The following WNT3A variants were observed in gnomAD, a reference collection of about 807,000 sequenced individuals.
WNT3A encodes the protein protein Wnt-3a.
WNT3A carries 17 observed loss-of-function variants against 37.0 expected under a neutral mutation model. The ratio of observed to expected loss-of-function variants is 0.46; its 90% CI spans 0.31 to 0.69. The LOEUF (loss-of-function observed/expected upper bound fraction) is 0.69, where lower values mean the gene tolerates loss of function less well. Ranked by LOEUF, WNT3A falls within the 30% of genes least tolerant of loss-of-function variation. The pLI is 0.05. For synonymous variants in WNT3A, 187 were observed against 211.0 expected (o/e 0.89, Z 0.99); for missense variants, 411 against 510.2 (o/e 0.81, Z 1.87).
At chr1:228,024,045 G>A (rs1157061145) in intron 2 of WNT3A, among the ~76,000 whole-genome samples, 4 of 152,196 alleles carry the variant, frequency 2.6e-5, no homozygotes, top group East Asian at 1.9e-4. Flanking sequence ...TGGTTTATTC[G>A]TTCTTCAGGT....
Position 228,060,308 on chromosome 1 carries a change from G to A in WNT3A, c.*843G>A, listed in dbSNP as rs758237439. On this transcript the variant is annotated 3_prime_UTR_variant, in exon 4 of 4. Transcript: ENST00000284523. ...TCGAGCTGGGAAGGTTCCATGAAGC[G>A]AGTCGGGTCCCCAACCCGTGCCCCT... 3 of 1,350,746 alleles carry A rather than the reference G, an allele frequency of 2.2e-6. No individual in the cohort carries two copies. Among genetic ancestry groups the A allele is most frequent in the Non-Finnish European group, 2.9e-6 (3 of 1,020,748 alleles). 83.7% of individuals were successfully genotyped at this position (1,350,746 alleles called of 1,614,324 possible).
In WNT3A at chr1:228,050,741, C is replaced by T. The variant is rs752764092; in HGVS notation, c.399C>T (p.Ala133=). The change falls in exon 3 of 4, where the codon GCC becomes GCT. Residue 133 remains alanine, a synonymous_variant. Transcript: ENST00000284523. The surrounding 1 kb of genome is among the most constrained non-coding windows in gnomAD (Gnocchi z 5.0). The part of the protein sequence containing the change: ...AVTRSCAEGT[A]AICGCSSRHQ... ...CACGCTCATGTGCAGAAGGCACGGC[C>T]GCCATCTGTGGCTGCAGCAGCCGCC... 24 of 1,613,994 alleles carry T rather than the reference C, an allele frequency of 1.5e-5. No individual in the cohort carries two copies. The highest frequency in any genetic ancestry group is 1.8e-5 in the Non-Finnish European group (21 of 1,180,030).
intron 2 of WNT3A, among the ~76,000 whole-genome samples, chr1:228,044,757 C>T (rs188281263): frequency 2.6e-5 from 4 of 152,342 alleles, no homozygotes; most frequent in South Asian, 2.1e-4. Context: ...TGAGCAGTTG[C>T]GGAACCGCTT....
In WNT3A at chr1:228,041,516, A is replaced by AATTC. The variant is rs896949250; in HGVS notation, c.314-9137_314-9134dup. Among the ~76,000 whole-genome samples, 77 of 148,400 alleles carry AATTC rather than the reference A, an allele frequency of 5.2e-4. 1 individual carries two copies. Among genetic ancestry groups the AATTC allele is most frequent in the East Asian group, 3.5e-3 (17 of 4,900 alleles). On this transcript the variant is annotated intron_variant, in intron 2 of 3. Coordinates refer to ENST00000284523, the MANE Select transcript of WNT3A (RefSeq NM_033131.4). The stretch of plus-strand genomic sequence containing the variant: ...TCAATCCATCATCCATCTATCCATC[A>AATTC]ATTCATCCATCCATCCATCCATCCA...
At chr1:228,043,342 C>A (rs1232657844) in intron 2 of WNT3A, among the ~76,000 whole-genome samples, 1 of 152,200 alleles carries the variant, frequency 6.6e-6, no homozygotes, top group Non-Finnish European at 1.5e-5. Context: ...TTCAGCCAGG[C>A]TCCTTCCCAG....
chr1:228,060,234 A>C lies in WNT3A; in HGVS notation c.*769A>C, dbSNP rs754889166. On this transcript the variant is annotated 3_prime_UTR_variant, in exon 4 of 4. Transcript: ENST00000284523. ...GGCTCCAGAGCAGGAAATTCAGCCC[A>C]CCAGCCACCTCATCCCCAACCCCCT... The C allele has an allele frequency of 2.2e-6, 3 of 1,351,654 alleles. No homozygotes were observed. The highest frequency in any genetic ancestry group is 2.9e-6 in the Non-Finnish European group (3 of 1,021,504). 83.7% of individuals were successfully genotyped at this position (1,351,654 alleles called of 1,614,324 possible).
intron 1 of WNT3A, among the ~76,000 whole-genome samples, chr1:228,018,812 C>T (rs1019935852): frequency 4.6e-5 from 7 of 152,240 alleles, no homozygotes; most frequent in Admixed American, 2.0e-4. Context: ...AGGAGCTCCC[C>T]GCTGCCTGCC....
Position 228,059,039 on chromosome 1 carries a change from C to G in WNT3A, c.633C>G (p.Ser211Arg). ...LKCKCHGLSGSCEVKTCWWSQ... is the reference protein window; with the variant it reads ...LKCKCHGLSGRCEVKTCWWSQ... ...GCAAGTGCCACGGGCTGTCGGGCAG[C>G]TGCGAGGTGAAGACATGCTGGTGGT... Residue 211 changes from serine (S) to arginine (R), a missense_variant, in exon 4 of 4, where the codon AGC becomes AGG. Physicochemically the swap from Ser to Arg is moderately radical, Grantham distance 110. Coordinates refer to ENST00000284523, the MANE Select transcript of WNT3A (RefSeq NM_033131.4). 1.2e-6 allele frequency: 2 copies of G among 1,613,468 alleles called. No homozygotes were observed. The highest frequency in any genetic ancestry group is 1.7e-6 in the Non-Finnish European group (2 of 1,179,956).
intron 2 of WNT3A, among the ~76,000 whole-genome samples, chr1:228,048,729 T>C (rs934484332): frequency 1.3e-5 from 2 of 152,040 alleles, no homozygotes; most frequent in African/African-American, 2.4e-5. Flanking sequence ...TGAGTGTCTT[T>C]TATCAATGGA....
At position 228,060,172 on chromosome 1, in the gene WNT3A, G is replaced by A. The variant is rs1191427132; in HGVS notation, c.*707G>A. ...CGGGTGGGACTCTTCCCTGGGAACC[G>A]CCCTCCTGATTAAGGCGTGGCTTCT... On this transcript the variant is annotated 3_prime_UTR_variant, in exon 4 of 4. Transcript: ENST00000284523. 1 of 1,351,168 alleles carries A rather than the reference G, an allele frequency of 7.4e-7. No homozygotes were observed. The highest frequency in any genetic ancestry group is 1.9e-5 in the Admixed American group (1 of 52,500). 83.7% of individuals were successfully genotyped at this position (1,351,168 alleles called of 1,614,324 possible). A position where few individuals can be genotyped will look rare whatever the true frequency, so the allele number is the denominator to read the frequency against.
In WNT3A at chr1:228,022,783, T is replaced by C. The variant is rs749172940; in HGVS notation, c.188T>C (p.Met63Thr). The C allele has an allele frequency of 6.2e-7, 1 of 1,614,180 alleles. No homozygotes were observed. Among genetic ancestry groups the C allele is most frequent in the South Asian group, 1.1e-5 (1 of 91,084 alleles). The change falls in exon 2 of 4, where the codon ATG becomes ACG. Residue 63 changes from methionine (M) to threonine (T), a missense_variant. Coordinates refer to ENST00000284523, the MANE Select transcript of WNT3A (RefSeq NM_033131.4). ...TTCTGCAGGAACTACGTGGAGATCATGCCCAGCGTGGCCGAGGGCATCAAG... is the reference window on the plus strand; with the variant it reads ...TTCTGCAGGAACTACGTGGAGATCACGCCCAGCGTGGCCGAGGGCATCAAG... The part of the protein sequence containing the change: ...LRFCRNYVEI[M>T]PSVAEGIKIG...
At position 228,050,635 on chromosome 1, in the gene WNT3A, G is replaced by A; in HGVS notation, c.314-21G>A. Reference sequence around the variant, plus strand: ...CTTTGAGCTGAGCCCTGTTAACCCTGCATCTCTCCTCTCTCTACAGCTACC... The same window carrying A: ...CTTTGAGCTGAGCCCTGTTAACCCTACATCTCTCCTCTCTCTACAGCTACC... On this transcript the variant is annotated intron_variant, in intron 2 of 3. Coordinates refer to ENST00000284523, the MANE Select transcript of WNT3A (RefSeq NM_033131.4). The surrounding 1 kb of genome is among the most constrained non-coding windows in gnomAD (Gnocchi z 5.0). The A allele has an allele frequency of 1.3e-6, 2 of 1,573,454 alleles. No individual in the cohort carries two copies. The highest frequency in any genetic ancestry group is 1.2e-5 in the South Asian group (1 of 85,578).
chr1:228,023,844 C>A (rs1355511006), intron 2 of WNT3A, among the ~76,000 whole-genome samples: 1 of 152,224 alleles, frequency 6.6e-6, no homozygotes, highest in Non-Finnish European at 1.5e-5. Context: ...TTCCATAGCC[C>A]CTGGCACCCA....
chr1:228,039,132 C>T lies in WNT3A; in HGVS notation c.314-11524C>T, dbSNP rs1039168693. Reference sequence around the variant, plus strand: ...AGTCAGCATTGCCAGGGGAAAGAGACGAAGCCACAGGTTTCCAGGGGCTGG... The same window carrying T: ...AGTCAGCATTGCCAGGGGAAAGAGATGAAGCCACAGGTTTCCAGGGGCTGG... On this transcript the variant is annotated intron_variant, in intron 2 of 3. Transcript: ENST00000284523. The surrounding 1 kb of genome is among the most constrained non-coding windows in gnomAD (Gnocchi z 4.1). Among the ~76,000 whole-genome samples the T allele has an allele frequency of 5.9e-5, 9 of 152,080 alleles. No homozygotes were observed. The highest frequency in any genetic ancestry group is 1.7e-4 in the African/African-American group (7 of 41,410).
rs1034436244 is a variant in WNT3A at position 228,008,160 on chromosome 1, C to T, written c.71+961C>T. 6.6e-6 allele frequency among the ~76,000 whole-genome samples: 1 copy of T among 152,166 alleles called. No individual in the cohort carries two copies. The highest frequency in any genetic ancestry group is 2.4e-5 in the African/African-American group (1 of 41,446). ...TCACCCCAGTTCCGAATTAAGGGCG[C>T]TCTGAGATGCCCAAGATTGAGGAAC... On this transcript the variant is annotated intron_variant, in intron 1 of 3. Transcript: ENST00000284523. This position sits in a 1 kb window ranked among gnomAD's most constrained non-coding sequence, Gnocchi z 4.9.
At chr1:228,049,071 C>A (rs965242991) in intron 2 of WNT3A, among the ~76,000 whole-genome samples, 1 of 152,224 alleles carries the variant, frequency 6.6e-6, no homozygotes, top group African/African-American at 2.4e-5. Context: ...CACCCTGCAG[C>A]CTTCCAAGCT....
rs752485131 is a variant in WNT3A at position 228,060,307 on chromosome 1, C to T, written c.*842C>T. 8.1e-6 allele frequency: 11 copies of T among 1,350,610 alleles called. No homozygotes were observed. Among genetic ancestry groups the T allele is most frequent in the Admixed American group, 7.6e-5 (4 of 52,540 alleles). The allele number at this position is 1,350,610 out of a possible 1,614,324, so 83.7% of individuals were successfully genotyped here. On this transcript the variant is annotated 3_prime_UTR_variant, in exon 4 of 4. Transcript: ENST00000284523. ...GTCGAGCTGGGAAGGTTCCATGAAGCGAGTCGGGTCCCCAACCCGTGCCCC... is the reference window on the plus strand; with the variant it reads ...GTCGAGCTGGGAAGGTTCCATGAAGTGAGTCGGGTCCCCAACCCGTGCCCC...
intron 1 of WNT3A, among the ~76,000 whole-genome samples, chr1:228,010,483 C>T (rs533040951): frequency 4.5e-4 from 69 of 152,352 alleles, no homozygotes; most frequent in Non-Finnish European, 8.7e-4. Context: ...TGGCCCTCCC[C>T]TGGGACCCAC....
Position 228,031,126 on chromosome 1 carries a change from G to C in WNT3A, c.313+8218G>C, listed in dbSNP as rs1391401402. On this transcript the variant is annotated intron_variant, in intron 2 of 3. Transcript: ENST00000284523. This position sits in a 1 kb window ranked among gnomAD's most constrained non-coding sequence, Gnocchi z 4.8. Reference sequence around the variant, plus strand: ...TCACGGGCCTGTGTTCTTCAGGCGTGGGGAAGGCACCGTGGGGCAGAGAGT... The same window carrying C: ...TCACGGGCCTGTGTTCTTCAGGCGTCGGGAAGGCACCGTGGGGCAGAGAGT... Among the ~76,000 whole-genome samples, 1 of 152,222 alleles carries C rather than the reference G, an allele frequency of 6.6e-6. No individual in the cohort carries two copies. The highest frequency in any genetic ancestry group is 6.5e-5 in the Admixed American group (1 of 15,288).
Sources: allele counts gnomAD v4.1 joint callset (sites outside exome capture counted in the v4.1 genomes callset), GRCh38; gene constraint gnomAD v4.1.1; non-coding constraint Gnocchi (gnomAD v3.1); transcripts MANE v1.5; gene names NCBI Gene and HGNC (gene_info 2026-07-23, HGNC 2026-07-21).